ABLIM2: variants seen among roughly 807,000 people sequenced by gnomAD.
The protein encoded by ABLIM2 is actin-binding LIM protein 2.
In ABLIM2, 53 loss-of-function variants were observed where a neutral mutation model predicts 97.7. The ratio of observed to expected loss-of-function variants is 0.54; its 90% CI spans 0.44 to 0.68. ABLIM2 has a LOEUF of 0.68. ABLIM2 is among the 30% of genes least tolerant of loss of function. The probability of loss-of-function intolerance (pLI) is 0.00; values close to 1 mark genes in which losing one functional copy is unlikely to be tolerated. For missense variants in ABLIM2, 835 were observed against 867.2 expected, an observed-to-expected ratio of 0.96 and a Z score of 0.47; for synonymous variants, 361 against 345.8, an observed-to-expected ratio of 1.04 and a Z score of -0.49.
At chr4:7,967,243 G>A in intron 20 of ABLIM2, 140 bp from the exon 21 acceptor site, 1 of 717,874 alleles carries the variant, frequency 1.4e-6, no homozygotes, top group Non-Finnish European at 2.5e-6. Flanking sequence ...CGGCCTCCTG[G>A]CGGTTCCTGA....
rs188457221 is a variant in ABLIM2, at chr4:8,028,072, G to T, written c.1169-215C>A. 6.6e-5 allele frequency among the ~76,000 whole-genome samples: 10 copies of T among 152,384 alleles called. No individual in the cohort carries two copies. The East Asian group carries it at 1.9e-3, about 29-fold the overall frequency. On this transcript the variant is annotated intron_variant, in intron 11 of 20. Transcript: ENST00000447017. ...CTCAGAGGACCAGGCAGAGGCCCAGGGTGCTGCATAGGAGCCTTGGGCTGG... is the reference window on the plus strand; with the variant it reads ...CTCAGAGGACCAGGCAGAGGCCCAGTGTGCTGCATAGGAGCCTTGGGCTGG...
At position 7,965,819 on chromosome 4, in the gene ABLIM2, C is replaced by T. The variant is rs1420497468; in HGVS notation, c.*1171G>A. The T allele has an allele frequency of 6.6e-6, 1 of 152,250 alleles. No individual in the cohort carries two copies. The highest frequency in any genetic ancestry group is 2.4e-5 in the African/African-American group (1 of 41,432). 9.4% of individuals were successfully genotyped at this position (152,250 alleles called of 1,614,324 possible). A position where few individuals can be genotyped will look rare whatever the true frequency, so the allele number is the denominator to read the frequency against. ...TCCATCCTATCTCCATCCTTCTCTC[C>T]CCAACAGCGTGTGGTTGTCTGTTTC... On this transcript the variant is annotated 3_prime_UTR_variant, in exon 21 of 21. Coordinates refer to ENST00000447017, the MANE Select transcript of ABLIM2 (RefSeq NM_001130083.2).
intron 2 of ABLIM2, among the ~76,000 whole-genome samples, chr4:8,101,692 C>G (rs891485249): frequency 6.6e-6 from 1 of 152,074 alleles, no homozygotes; most frequent in African/African-American, 2.4e-5. Context: ...CCAATAGGAC[C>G]AGAAAATGCC....
chr4:8,077,760 C>G, intron 5 of ABLIM2, 39 bp from the exon 6 acceptor site: 1 of 1,557,134 alleles, frequency 6.4e-7, no homozygotes, highest in South Asian at 1.2e-5. Flanking sequence ...GCGGGTGTCG[C>G]CCGAGGACCC....
intron 15 of ABLIM2, 73 bp downstream of exon 15, chr4:8,008,977 C>G (rs1171645471): frequency 1.3e-6 from 2 of 1,546,874 alleles, no homozygotes; most frequent in African/African-American, 1.4e-5. Flanking sequence ...AAGTCTCAAT[C>G]GGAGAAGCCC....
At chr4:8,070,275 CAT>C (rs935433988) in intron 6 of ABLIM2, among the ~76,000 whole-genome samples, 1 of 134,584 alleles carries the variant, frequency 7.4e-6, no homozygotes, top group African/African-American at 2.8e-5. Flanking sequence ...GTGGGTTGTG[CAT>C]GTGTGTGTAT....
At chr4:8,066,880 G>T (rs1268785444) in intron 6 of ABLIM2, among the ~76,000 whole-genome samples, 2 of 152,188 alleles carry the variant, frequency 1.3e-5, no homozygotes, top group African/African-American at 4.8e-5. Flanking sequence ...CATTTTAAAT[G>T]GTTAATTGTA....
intron 9 of ABLIM2, among the ~76,000 whole-genome samples, chr4:8,038,828 T>C (rs576441413): frequency 6.6e-6 from 1 of 152,306 alleles, no homozygotes; most frequent in African/African-American, 2.4e-5. Flanking sequence ...CTCTGCCTTC[T>C]GGGAAATTGG....
rs546679605 is a variant in ABLIM2, at chr4:8,132,950, C to T, written c.10+25730G>A. On this transcript the variant is annotated intron_variant, in intron 1 of 20. Transcript: ENST00000447017. This position sits in a 1 kb window ranked among gnomAD's most constrained non-coding sequence, Gnocchi z 8.0. ...GGCTGCTGTGACACAGTGCCACAGA[C>T]GGCAGCTTAACAACAGGCATTTACT... Among the ~76,000 whole-genome samples the T allele has an allele frequency of 4.6e-5, 7 of 152,274 alleles. No homozygotes were observed. The East Asian group carries it at 5.8e-4, about 13-fold the overall frequency.
In ABLIM2 at chr4:7,992,779, T is replaced by C; in HGVS notation, c.1680+87A>G. 2 of 1,473,754 alleles carry C rather than the reference T, an allele frequency of 1.4e-6. No individual in the cohort carries two copies. The highest frequency in any genetic ancestry group is 1.9e-6 in the Non-Finnish European group (2 of 1,072,896). 91.3% of individuals were successfully genotyped at this position (1,473,754 alleles called of 1,614,324 possible). ...GCGGGGTCCCCGGGGCCTCTCCTCC[T>C]GCTGTGTGGTCAAGAAGCTGTGGGA... On this transcript the variant is annotated intron_variant, in intron 17 of 20. Coordinates refer to ENST00000447017, the MANE Select transcript of ABLIM2 (RefSeq NM_001130083.2). This position sits in a 1 kb window ranked among gnomAD's most constrained non-coding sequence, Gnocchi z 5.7.
intron 1 of ABLIM2, among the ~76,000 whole-genome samples, chr4:8,142,202 C>T (rs1401596598): frequency 2.0e-5 from 3 of 152,216 alleles, no homozygotes; most frequent in East Asian, 1.9e-4. Flanking sequence ...GTCTCCACAT[C>T]GGCTCGAGCC....
intron 20 of ABLIM2, among the ~76,000 whole-genome samples, chr4:7,975,948 C>T (rs568413453): frequency 4.8e-4 from 73 of 152,286 alleles, no homozygotes; most frequent in African/African-American, 1.7e-3. Context: ...ATATGTCCCA[C>T]GAAGAACCAT....
At chr4:8,146,397 G>A (rs757593372) in intron 1 of ABLIM2, among the ~76,000 whole-genome samples, 12 of 152,182 alleles carry the variant, frequency 7.9e-5, no homozygotes, top group Middle Eastern at 3.2e-3. Context: ...GAATCCAGCC[G>A]TCACCTACAA....
chr4:8,047,303 C>T (rs1005862846), intron 8 of ABLIM2, among the ~76,000 whole-genome samples: 6 of 152,204 alleles, frequency 3.9e-5, no homozygotes, highest in Admixed American at 3.9e-4. Context: ...AGGTCCTCTC[C>T]ATGCCCCGTG....
Position 7,993,968 on chromosome 4 carries a change from G to A in ABLIM2, c.1619-1041C>T, listed in dbSNP as rs772304218. 5.9e-6 allele frequency: 3 copies of A among 509,306 alleles called. No homozygotes were observed. In the Admixed American group the frequency reaches 6.0e-5, roughly 10 times the overall value. 31.5% of individuals were successfully genotyped at this position (509,306 alleles called of 1,614,324 possible). A position where few individuals can be genotyped will look rare whatever the true frequency, so the allele number is the denominator to read the frequency against. Reference sequence around the variant, plus strand: ...TTCAATACCACGTGATGGGAGAGCAGGGAGGAAGTGAACGCCTGCCTGGCT... The same window carrying A: ...TTCAATACCACGTGATGGGAGAGCAAGGAGGAAGTGAACGCCTGCCTGGCT... On this transcript the variant is annotated intron_variant, in intron 16 of 20. Transcript: ENST00000447017.
chr4:8,127,552 T>C lies in ABLIM2; in HGVS notation c.11-20915A>G. On this transcript the variant is annotated intron_variant, in intron 1 of 20. Coordinates refer to ENST00000447017, the MANE Select transcript of ABLIM2 (RefSeq NM_001130083.2). The surrounding 1 kb of genome is among the most constrained non-coding windows in gnomAD (Gnocchi z 7.3). ...AGCGCAGTTTGGGGATTTACCTGTGTCTCCCCCTGGCACCCCCATGGAGCG... is the reference window on the plus strand; with the variant it reads ...AGCGCAGTTTGGGGATTTACCTGTGCCTCCCCCTGGCACCCCCATGGAGCG... 7.8e-7 allele frequency: 1 copy of C among 1,289,716 alleles called. No homozygotes were observed. Among genetic ancestry groups the C allele is most frequent in the Non-Finnish European group, 1.0e-6 (1 of 988,820 alleles). The allele number at this position is 1,289,716 out of a possible 1,614,324, so 79.9% of individuals were successfully genotyped here. A position where few individuals can be genotyped will look rare whatever the true frequency, so the allele number is the denominator to read the frequency against.
chr4:8,031,582 C>A lies in ABLIM2; in HGVS notation c.1048-1806G>T, dbSNP rs139974234. ...GTGAGCATAGGCTCTGAGCCGACCG[C>A]TGGGCTGAAATCCTCCTGCACCTCA... On this transcript the variant is annotated intron_variant, in intron 10 of 20. Transcript: ENST00000447017. Among the ~76,000 whole-genome samples, 21 of 152,310 alleles carry A rather than the reference C, an allele frequency of 1.4e-4. No individual in the cohort carries two copies. In the East Asian group the frequency reaches 2.9e-3, roughly 21 times the overall value.
In ABLIM2 at chr4:8,045,157, G is replaced by A. The variant is rs371723679; in HGVS notation, c.900+7C>T. 3.1e-6 allele frequency: 5 copies of A among 1,613,278 alleles called. No individual in the cohort carries two copies. The highest frequency in any genetic ancestry group is 2.7e-5 in the African/African-American group (2 of 74,918). ...ACCGCCGTCCCCATAAAAAGGCCCT[G>A]ACTTACATAAATCACACGGCTCGGA... On this transcript the variant is annotated splice_region_variant and intron_variant, in intron 9 of 20. Transcript: ENST00000447017.
intron 16 of ABLIM2, among the ~76,000 whole-genome samples, chr4:8,006,335 G>C (rs1419336162): frequency 6.6e-6 from 1 of 152,178 alleles, no homozygotes; most frequent in East Asian, 1.9e-4. Flanking sequence ...AAATTCTGGG[G>C]ACAGTAGTTG....
Sources: gnomAD v4.1 joint callset for allele counts (sites outside exome capture counted in the v4.1 genomes callset) on GRCh38, gnomAD v4.1.1 for gene constraint, Gnocchi (gnomAD v3.1) non-coding constraint, MANE v1.5 for transcripts, NCBI Gene and HGNC (gene_info 2026-07-23, HGNC 2026-07-21) for gene names.